The following SLC10A7 variants were observed in gnomAD, a reference collection of about 807,000 sequenced individuals.
The protein encoded by SLC10A7 is solute carrier family 10 member 7.
SLC10A7 carries 29 observed loss-of-function variants against 43.2 expected under a neutral mutation model. The observed-to-expected ratio is 0.67, with a 90% CI of 0.50 to 0.92. The LOEUF (loss-of-function observed/expected upper bound fraction) is 0.92, where lower values mean the gene tolerates loss of function less well. SLC10A7 is among the 40% of genes least tolerant of loss of function. The pLI is 0.00. For missense variants in SLC10A7, 295 were observed against 403.2 expected, an observed-to-expected ratio of 0.73 and a Z score of 2.30; for synonymous variants, 152 against 144.8, an observed-to-expected ratio of 1.05 and a Z score of -0.35.
intron 5 of SLC10A7, among the ~76,000 whole-genome samples, chr4:146,404,832 T>TA (rs376599126): frequency 3.3e-4 from 51 of 152,248 alleles, no homozygotes; most frequent in African/African-American, 1.2e-3. Context: ...TATTTCACTG[T>TA]AAAAATAAAC....
At chr4:146,278,591 T>C (rs1729353830) in intron 10 of SLC10A7, among the ~76,000 whole-genome samples, 1 of 152,182 alleles carries the variant, frequency 6.6e-6, no homozygotes, top group Non-Finnish European at 1.5e-5. Flanking sequence ...TATAGACATA[T>C]TTCCTTTTCT....
chr4:146,292,000 A>G (rs1730474786), intron 9 of SLC10A7, among the ~76,000 whole-genome samples: 1 of 152,254 alleles, frequency 6.6e-6, no homozygotes, highest in Admixed American at 6.5e-5. Flanking sequence ...AACAGGAAGG[A>G]GGAACCAGGA....
At chr4:146,454,914 T>G (rs968012298) in intron 4 of SLC10A7, among the ~76,000 whole-genome samples, 3 of 152,028 alleles carry the variant, frequency 2.0e-5, no homozygotes, top group Non-Finnish European at 4.4e-5. Flanking sequence ...AATAGCTTAT[T>G]GATAAATATC....
chr4:146,470,990 C>A (rs1733520887), intron 4 of SLC10A7, among the ~76,000 whole-genome samples: 1 of 152,210 alleles, frequency 6.6e-6, no homozygotes, highest in African/African-American at 2.4e-5. Flanking sequence ...TACAGCCCAA[C>A]TATATATTGT....
At chr4:146,283,919 T>C (rs549772530) in intron 9 of SLC10A7, among the ~76,000 whole-genome samples, 1 of 152,246 alleles carries the variant, frequency 6.6e-6, no homozygotes, top group East Asian at 1.9e-4. Flanking sequence ...AAACAGAGTC[T>C]AGTTCCCAGG....
chr4:146,445,891 CTG>C (rs10678013), intron 4 of SLC10A7, among the ~76,000 whole-genome samples: 2,874 of 148,590 alleles, frequency 0.019, 83 homozygotes, highest in African/African-American at 0.064. Flanking sequence ...CTTCTCTCTT[CTG>C]TGTGTGTGTG....
chr4:146,409,109 AG>A (rs1413339722), intron 5 of SLC10A7, among the ~76,000 whole-genome samples: 11 of 152,306 alleles, frequency 7.2e-5, no homozygotes, highest in Non-Finnish European at 1.3e-4. Flanking sequence ...TAGGAAACAT[AG>A]AAGGAGAAAT....
At chr4:146,454,909 C>T (rs1023935830) in intron 4 of SLC10A7, among the ~76,000 whole-genome samples, 6 of 151,742 alleles carry the variant, frequency 4.0e-5, no homozygotes, top group African/African-American at 1.5e-4. Flanking sequence ...CCATTAATAG[C>T]TTATTGATAA....
At chr4:146,351,267 G>A (rs1735077184) in intron 5 of SLC10A7, among the ~76,000 whole-genome samples, 1 of 150,070 alleles carries the variant, frequency 6.7e-6, no homozygotes. Context: ...CGATCAACTG[G>A]AAGAAAGGGT....
At chr4:146,490,898 A>G (rs1304422745) in intron 4 of SLC10A7, among the ~76,000 whole-genome samples, 1 of 152,192 alleles carries the variant, frequency 6.6e-6, no homozygotes, top group Non-Finnish European at 1.5e-5. Flanking sequence ...CAGCTTCCCA[A>G]ACCCTTTTCC....
chr4:146,353,385 G>T (rs1226446461), intron 5 of SLC10A7, among the ~76,000 whole-genome samples: 1 of 138,954 alleles, frequency 7.2e-6, no homozygotes, highest in African/African-American at 2.8e-5. Flanking sequence ...TGAAATTGTG[G>T]CAATAATCAA....
intron 4 of SLC10A7, among the ~76,000 whole-genome samples, chr4:146,473,048 T>C (rs758812256): frequency 2.0e-5 from 3 of 152,172 alleles, no homozygotes; most frequent in Non-Finnish European, 4.4e-5. Flanking sequence ...GAAAGGCAGT[T>C]ATCACTATTT....
intron 5 of SLC10A7, among the ~76,000 whole-genome samples, chr4:146,387,711 T>G (rs1738114255): frequency 6.6e-6 from 1 of 152,230 alleles, no homozygotes; most frequent in African/African-American, 2.4e-5. Flanking sequence ...CCCCTAGCTT[T>G]GATAAATGAT....
chr4:146,334,430 G>A (rs72950667), intron 5 of SLC10A7, among the ~76,000 whole-genome samples: 159 of 152,224 alleles, frequency 1.0e-3, no homozygotes, highest in African/African-American at 3.4e-3. Flanking sequence ...AGTAAGGAGG[G>A]AAAAGAGGCA....
At chr4:146,405,579 A>G (rs1727610050) in intron 5 of SLC10A7, among the ~76,000 whole-genome samples, 1 of 152,178 alleles carries the variant, frequency 6.6e-6, no homozygotes, top group Non-Finnish European at 1.5e-5. Flanking sequence ...AAAGGACAGG[A>G]GTAACTATGA....
At chr4:146,384,084 T>C (rs544299268) in intron 5 of SLC10A7, among the ~76,000 whole-genome samples, 2 of 152,260 alleles carry the variant, frequency 1.3e-5, no homozygotes, top group Admixed American at 1.3e-4. Context: ...TATTTATTGC[T>C]TTCCCACGTG....
intron 1 of SLC10A7, among the ~76,000 whole-genome samples, chr4:146,518,311 G>T (rs1738208644): frequency 6.6e-6 from 1 of 152,138 alleles, no homozygotes; most frequent in Admixed American, 6.5e-5. Flanking sequence ...GTTTAGAAAT[G>T]TTTTTTGGTT....
At chr4:146,491,590 T>C (rs1735420632) in intron 4 of SLC10A7, among the ~76,000 whole-genome samples, 1 of 151,092 alleles carries the variant, frequency 6.6e-6, no homozygotes, top group Non-Finnish European at 1.5e-5. Context: ...AAGAGTGAAT[T>C]ACACACAAAG....
At chr4:146,471,134 T>C (rs565829186) in intron 4 of SLC10A7, among the ~76,000 whole-genome samples, 27 of 152,346 alleles carry the variant, frequency 1.8e-4, no homozygotes, top group African/African-American at 5.8e-4. Context: ...TACTTACTGG[T>C]TGAGCATCTC....
Sources: allele counts gnomAD v4.1 joint callset (sites outside exome capture counted in the v4.1 genomes callset), GRCh38; gene constraint gnomAD v4.1.1; transcripts MANE v1.5; gene names NCBI Gene and HGNC (gene_info 2026-07-23, HGNC 2026-07-21).